The following RORA variants were observed in gnomAD, a reference collection of about 807,000 sequenced individuals.
RORA encodes the protein RAR related orphan receptor A.
A neutral mutation model predicts 69.5 loss-of-function variants in RORA; 7 were observed. The ratio of observed to expected loss-of-function variants is 0.10; its 90% confidence interval spans 0.06 to 0.19. The LOEUF is 0.19. Among genes scored for constraint, RORA ranks in the 10% least tolerant of loss-of-function variants. The probability of loss-of-function intolerance (pLI) is 1.00; values close to 1 mark genes in which losing one functional copy is unlikely to be tolerated. For missense variants in RORA, 457 were observed against 663.0 expected (o/e 0.69, Z 3.41); for synonymous variants, 261 against 240.8 (o/e 1.08, Z -0.78).
chr15:61,169,156 G>T (rs943072303), intron 1 of RORA, among the ~76,000 whole-genome samples: 1 of 151,982 alleles, frequency 6.6e-6, no homozygotes, highest in African/African-American at 2.4e-5. Flanking sequence ...CCTAGCATAT[G>T]CCAAGTCCCC....
chr15:60,989,073 T>C (rs1894293412), intron 1 of RORA, among the ~76,000 whole-genome samples: 1 of 152,212 alleles, frequency 6.6e-6, no homozygotes. Context: ...AGGTGAAAGG[T>C]CCATCAGATG....
chr15:60,679,371 T>C (rs1369246636), intron 1 of RORA, among the ~76,000 whole-genome samples: 1 of 152,226 alleles, frequency 6.6e-6, no homozygotes, highest in Non-Finnish European at 1.5e-5. Flanking sequence ...GGATGATTTA[T>C]AGGTAGCAGG....
rs1304417905 is a variant in RORA at position 61,147,905 on chromosome 15, G to A, written c.166+81148C>T. Among the ~76,000 whole-genome samples, 1 of 152,182 alleles carries A rather than the reference G, an allele frequency of 6.6e-6. No individual in the cohort carries two copies. Among genetic ancestry groups the A allele is most frequent in the African/African-American group, 2.4e-5 (1 of 41,452 alleles). ...ACTTGGCAGGGCAGGAACAAGGATA[G>A]TTCATCCAGAATTACCTTAAGAAAT... On this transcript the variant is annotated intron_variant, in intron 1 of 10. Coordinates refer to ENST00000335670, the MANE Select transcript of RORA (RefSeq NM_134261.3). This position sits in a 1 kb window ranked among gnomAD's most constrained non-coding sequence, Gnocchi z 4.1.
chr15:60,809,324 A>C (rs1398949850), intron 1 of RORA, among the ~76,000 whole-genome samples: 1 of 152,196 alleles, frequency 6.6e-6, no homozygotes, highest in African/African-American at 2.4e-5. Flanking sequence ...AGCAATGTGC[A>C]CAGTTAATCC....
intron 1 of RORA, among the ~76,000 whole-genome samples, chr15:61,000,477 A>C (rs1012448810): frequency 1.3e-5 from 2 of 152,206 alleles, no homozygotes; most frequent in African/African-American, 4.8e-5. Context: ...CATCAGGATC[A>C]CAGGTTCAAA....
At position 61,147,468 on chromosome 15, in the gene RORA, G is replaced by C. The variant is rs2079360191; in HGVS notation, c.166+81585C>G. Among the ~76,000 whole-genome samples, 1 of 152,184 alleles carries C rather than the reference G, an allele frequency of 6.6e-6. No homozygotes were observed. The highest frequency in any genetic ancestry group is 1.5e-5 in the Non-Finnish European group (1 of 68,022). ...AGGACTCTGAAGAAGGAATATGAGAGCTTCCAGCCCTTGCTAGAAGCTAGC... is the reference window on the plus strand; with the variant it reads ...AGGACTCTGAAGAAGGAATATGAGACCTTCCAGCCCTTGCTAGAAGCTAGC... On this transcript the variant is annotated intron_variant, in intron 1 of 10. Transcript: ENST00000335670. The surrounding 1 kb of genome is among the most constrained non-coding windows in gnomAD (Gnocchi z 4.1).
intron 1 of RORA, among the ~76,000 whole-genome samples, chr15:61,136,464 A>T (rs2079241229): frequency 1.3e-5 from 2 of 152,344 alleles, no homozygotes; most frequent in South Asian, 4.1e-4. Flanking sequence ...ACTCAAGCAA[A>T]ATCATTTAAG....
chr15:60,950,583 G>T (rs1893060720), intron 1 of RORA, among the ~76,000 whole-genome samples: 1 of 136,076 alleles, frequency 7.3e-6, no homozygotes, highest in African/African-American at 2.8e-5. Context: ...AAAATAAAAG[G>T]ATGGAGGAAG....
At chr15:60,940,637 T>C (rs1297837089) in intron 1 of RORA, among the ~76,000 whole-genome samples, 3 of 152,192 alleles carry the variant, frequency 2.0e-5, no homozygotes, top group Non-Finnish European at 4.4e-5. Flanking sequence ...ATAACTGGAT[T>C]ACATTGTATG....
At chr15:60,757,242 C>A in intron 1 of RORA, among the ~76,000 whole-genome samples, 1 of 152,092 alleles carries the variant, frequency 6.6e-6, no homozygotes, top group Non-Finnish European at 1.5e-5. Flanking sequence ...CACTGTTGAT[C>A]ATCTTTTCTC....
Position 60,515,973 on chromosome 15 carries a change from T to A in RORA, c.283-1216A>T, listed in dbSNP as rs1363326661. 6.6e-3 allele frequency among the ~76,000 whole-genome samples: 111 copies of A among 16,746 alleles called. 14 individuals carry two copies. The highest frequency in any genetic ancestry group is 0.015 in the African/African-American group (71 of 4,768). 11.0% of individuals were successfully genotyped at this position (16,746 alleles called of 152,430 possible). A position where few individuals can be genotyped will look rare whatever the true frequency, so the allele number is the denominator to read the frequency against. On this transcript the variant is annotated intron_variant, in intron 3 of 10. Transcript: ENST00000335670. ...TTTATATATTTATATTTATATATAT[T>A]TATATATTTATATATATTTATATAT...
rs1480649725 is a variant in RORA, at chr15:60,496,575, A to G, written c.*880T>C. 6.6e-6 allele frequency: 1 copy of G among 152,118 alleles called. No individual in the cohort carries two copies. The highest frequency in any genetic ancestry group is 1.5e-5 in the Non-Finnish European group (1 of 68,026). 9.4% of individuals were successfully genotyped at this position (152,118 alleles called of 1,614,324 possible). A position where few individuals can be genotyped will look rare whatever the true frequency, so the allele number is the denominator to read the frequency against. On this transcript the variant is annotated 3_prime_UTR_variant, in exon 11 of 11. Transcript: ENST00000335670. This position sits in a 1 kb window ranked among gnomAD's most constrained non-coding sequence, Gnocchi z 4.5. ...AAAAAGCAAAGTATAATTTAGGGAG[A>G]GTTCCGTTTCTAATTCCAAATTCAC...
chr15:60,896,130 T>G (rs781316682), intron 1 of RORA, among the ~76,000 whole-genome samples: 1 of 152,176 alleles, frequency 6.6e-6, no homozygotes, highest in Non-Finnish European at 1.5e-5. Flanking sequence ...AAGTGAGTGT[T>G]CAGAGAAGAC....
intron 1 of RORA, among the ~76,000 whole-genome samples, chr15:60,992,269 C>T (rs1310387166): frequency 1.3e-5 from 2 of 152,116 alleles, no homozygotes; most frequent in East Asian, 3.9e-4. Context: ...CAACTAGTTG[C>T]CAGGATTTAG....
At chr15:61,084,631 A>T (rs2078595786) in intron 1 of RORA, among the ~76,000 whole-genome samples, 2 of 152,176 alleles carry the variant, frequency 1.3e-5, no homozygotes, top group African/African-American at 4.8e-5. Flanking sequence ...AGAATCTTCA[A>T]GTGTTCTCAG....
intron 1 of RORA, among the ~76,000 whole-genome samples, chr15:60,939,392 G>T (rs569026696): frequency 1.3e-5 from 2 of 152,212 alleles, no homozygotes; most frequent in East Asian, 3.9e-4. Context: ...GCTTCATTTT[G>T]TACAAATTGC....
intron 2 of RORA, chr15:60,627,282 G>A (rs2069612358): frequency 6.2e-7 from 1 of 1,614,142 alleles, no homozygotes; most frequent in Non-Finnish European, 8.5e-7. Flanking sequence ...CAGACATTCT[G>A]GCCTGTCCAG....
chr15:60,930,147 G>A (rs1044070404), intron 1 of RORA, among the ~76,000 whole-genome samples: 6 of 152,098 alleles, frequency 3.9e-5, no homozygotes, highest in African/African-American at 7.2e-5. Context: ...TGTGGCTAGC[G>A]GCTACCATTT....
chr15:60,861,440 T>A (rs998419759), intron 1 of RORA, among the ~76,000 whole-genome samples: 1 of 152,160 alleles, frequency 6.6e-6, no homozygotes, highest in African/African-American at 2.4e-5. Flanking sequence ...CTCACCAGTG[T>A]GGCATGGTTG....
Sources: allele counts gnomAD v4.1 joint callset (sites outside exome capture counted in the v4.1 genomes callset), GRCh38; gene constraint gnomAD v4.1.1; non-coding constraint Gnocchi (gnomAD v3.1); transcripts MANE v1.5; gene names NCBI Gene and HGNC (gene_info 2026-07-23, HGNC 2026-07-21).